The following EPHA8 variants were observed in gnomAD, a reference collection of about 807,000 sequenced individuals.
The protein encoded by EPHA8 is EPH receptor A8.
EPHA8 carries 58 observed loss-of-function variants against 103.6 expected under a neutral mutation model. That is an observed-to-expected ratio of 0.56 (90% CI 0.45 to 0.70). The LOEUF (loss-of-function observed/expected upper bound fraction) is 0.70. Among genes scored for constraint, EPHA8 ranks in the 30% least tolerant of loss-of-function variants. The probability of loss-of-function intolerance (pLI) is 0.00; values close to 1 mark genes in which losing one functional copy is unlikely to be tolerated. For synonymous variants in EPHA8, 559 were observed against 572.5 expected (o/e 0.98, Z 0.34); for missense variants, 1,304 against 1,395.2 (o/e 0.93, Z 1.04).
chr1:22,589,432 G>A lies in EPHA8; in HGVS notation c.1315+226G>A. On this transcript the variant is annotated intron_variant, in intron 5 of 16. Coordinates refer to ENST00000166244, the MANE Select transcript of EPHA8 (RefSeq NM_020526.5). The surrounding 1 kb of genome is among the most constrained non-coding windows in gnomAD (Gnocchi z 4.3). ...AGAAATCCCAAAAGCTCAGAGGCAG[G>A]CTAGTGTGGCCGTCGAAAGCCTAGG... 2.0e-6 allele frequency: 3 copies of A among 1,495,224 alleles called. No individual in the cohort carries two copies. Among genetic ancestry groups the A allele is most frequent in the Non-Finnish European group, 2.7e-6 (3 of 1,130,316 alleles). The allele number at this position is 1,495,224 out of a possible 1,614,324, so 92.6% of individuals were successfully genotyped here.
intron 3 of EPHA8, among the ~76,000 whole-genome samples, chr1:22,585,506 G>A (rs1341610916): frequency 6.6e-6 from 1 of 152,146 alleles, no homozygotes; most frequent in Non-Finnish European, 1.5e-5. Context: ...CATCACCTTA[G>A]CCCCCTTGTT....
chr1:22,564,128 CAG>C (rs961229294), intron 1 of EPHA8, among the ~76,000 whole-genome samples: 5 of 121,172 alleles, frequency 4.1e-5, no homozygotes, highest in African/African-American at 6.6e-5. Flanking sequence ...GGACAGAGGA[CAG>C]GGGGGTAGGC....
Position 22,589,539 on chromosome 1 carries a change from A to G in EPHA8, c.1315+333A>G. On this transcript the variant is annotated intron_variant, in intron 5 of 16. Coordinates refer to ENST00000166244, the MANE Select transcript of EPHA8 (RefSeq NM_020526.5). The surrounding 1 kb of genome is among the most constrained non-coding windows in gnomAD (Gnocchi z 4.3). ...AGTACCTGCCTGAGGTCCTCTCAGG[A>G]GGCTTAAATGAGAGGAATGAAATTG... 1 of 1,368,696 alleles carries G rather than the reference A, an allele frequency of 7.3e-7. No individual in the cohort carries two copies. Among genetic ancestry groups the G allele is most frequent in the Non-Finnish European group, 9.4e-7 (1 of 1,061,888 alleles). The allele number at this position is 1,368,696 out of a possible 1,614,324, so 84.8% of individuals were successfully genotyped here.
At chr1:22,594,460 C>T (rs1171616101) in intron 7 of EPHA8, among the ~76,000 whole-genome samples, 3 of 152,230 alleles carry the variant, frequency 2.0e-5, no homozygotes, top group Non-Finnish European at 2.9e-5. Flanking sequence ...CACCCCAGCC[C>T]TTCAGAAACT....
At chr1:22,600,859 C>T (rs1235739452) in intron 14 of EPHA8, 39 bp from the exon 15 acceptor site, 1 of 1,588,294 alleles carries the variant, frequency 6.3e-7, no homozygotes, top group Non-Finnish European at 8.6e-7. Context: ...CCTCAGGGTG[C>T]AGGGAGGGAC....
chr1:22,580,131 T>C (rs1317598850), intron 3 of EPHA8, among the ~76,000 whole-genome samples: 6 of 33,878 alleles, frequency 1.8e-4, no homozygotes, highest in Admixed American at 2.5e-4. Flanking sequence ...CTTTCTCTTT[T>C]TTTTTTTTTT....
rs1476400139 is a variant in EPHA8, at chr1:22,595,212, C to T, written c.1604-18C>T. On this transcript the variant is annotated intron_variant, in intron 7 of 16. Transcript: ENST00000166244. ...AGGGCTGAGAGCCTGGTCCCCCAAC[C>T]CTGGCTTTCCCCTGCAGGGCCCCGC... The T allele has an allele frequency of 1.3e-6, 2 of 1,599,252 alleles. No individual in the cohort carries two copies. Among genetic ancestry groups the T allele is most frequent in the Non-Finnish European group, 1.7e-6 (2 of 1,169,598 alleles).
At position 22,582,650 on chromosome 1, in the gene EPHA8, C is replaced by A. The variant is rs1481062108; in HGVS notation, c.824-3830C>A. Among the ~76,000 whole-genome samples the A allele has an allele frequency of 2.0e-5, 3 of 152,156 alleles. No homozygotes were observed. The South Asian group carries it at 6.2e-4, about 32-fold the overall frequency. On this transcript the variant is annotated intron_variant, in intron 3 of 16. Coordinates refer to ENST00000166244, the MANE Select transcript of EPHA8 (RefSeq NM_020526.5). ...CACAGCGAGGGGTGGTTGATAGAAT[C>A]TCACATCTCCCAACTCCTTGCCCAG...
rs140915108 is a variant in EPHA8 at position 22,601,357 on chromosome 1, C to T, written c.2787C>T (p.Gly929=). The change falls in exon 16 of 17, where the codon GGC becomes GGT. Residue 929 remains glycine, a synonymous_variant. Transcript: ENST00000166244. ...TTGACCTCCGAGGGGGCAGCGGTGGCGGTGGGGGCCTCACCGTGGGGGACT... is the reference window on the plus strand; with the variant it reads ...TTGACCTCCGAGGGGGCAGCGGTGGTGGTGGGGGCCTCACCGTGGGGGACT... ...SCFDLRGGSG[G]GGGLTVGDWL... 301 of 1,608,498 alleles carry T rather than the reference C, an allele frequency of 1.9e-4. 1 individual carries two copies. In the African/African-American group the frequency reaches 2.2e-3, roughly 12 times the overall value.
At chr1:22,587,597 A>T (rs1641253274) in intron 4 of EPHA8, among the ~76,000 whole-genome samples, 1 of 152,094 alleles carries the variant, frequency 6.6e-6, no homozygotes, top group African/African-American at 2.4e-5. Flanking sequence ...TCATACTCCC[A>T]TTCCAGGCCT....
At chr1:22,572,741 G>A (rs568595929) in intron 2 of EPHA8, among the ~76,000 whole-genome samples, 1 of 152,366 alleles carries the variant, frequency 6.6e-6, no homozygotes, top group South Asian at 2.1e-4. Flanking sequence ...GCTGCATTCT[G>A]ATATGGGAGG....
chr1:22,576,825 C>T lies in EPHA8; in HGVS notation c.768C>T (p.Pro256=), dbSNP rs1383215657. The change falls in exon 3 of 17, where the codon CCC becomes CCT. Residue 256 remains proline (P), a synonymous_variant. Transcript: ENST00000166244. This position sits in a 1 kb window ranked among gnomAD's most constrained non-coding sequence, Gnocchi z 4.8. ...GCGCGGAGGGCGAGTGGCTCGTGCC[C>T]ATCGGCAAATGCGTGTGCAGTGCCG... ...YCSAEGEWLV[P]IGKCVCSAGY... 2.5e-6 allele frequency: 4 copies of T among 1,610,450 alleles called. No individual in the cohort carries two copies. The highest frequency in any genetic ancestry group is 3.4e-6 in the Non-Finnish European group (4 of 1,178,572).
intron 3 of EPHA8, among the ~76,000 whole-genome samples, chr1:22,578,669 A>G (rs1424392155): frequency 1.5e-5 from 2 of 137,240 alleles, no homozygotes; most frequent in Admixed American, 1.5e-4. Context: ...GAGTGTATGT[A>G]TGCATTTGTG....
In EPHA8 at chr1:22,591,858, G is replaced by A. The variant is rs1352744595; in HGVS notation, c.1316-1468G>A. ...CTCCCCCGACCACCTCAGCTGAAAC[G>A]TGCCAGTGCCCTTCCGGGCCCTGCA... On this transcript the variant is annotated intron_variant, in intron 5 of 16. Coordinates refer to ENST00000166244, the MANE Select transcript of EPHA8 (RefSeq NM_020526.5). Among the ~76,000 whole-genome samples the A allele has an allele frequency of 2.6e-5, 4 of 152,286 alleles. No homozygotes were observed. The East Asian group carries it at 5.8e-4, about 22-fold the overall frequency.
In EPHA8 at chr1:22,599,007, G is replaced by A. The variant is rs750373572; in HGVS notation, c.2348G>A (p.Arg783Gln). The change falls in exon 13 of 17, where the codon CGG (arginine) becomes CAG (glutamine). Residue 783 changes from arginine (R) to glutamine (Q), a missense_variant. By Grantham distance (43) the Arg-to-Gln change is conservative. Coordinates refer to ENST00000166244, the MANE Select transcript of EPHA8 (RefSeq NM_020526.5). Reference sequence around the variant, plus strand: ...AAGGTGTCTGACTTCGGGCTCTCACGGGTGCTGGAGGACGACCCGGATGCT... The same window carrying A: ...AAGGTGTCTGACTTCGGGCTCTCACAGGTGCTGGAGGACGACCCGGATGCT... ...VCKVSDFGLS[R>Q]VLEDDPDAAY... 25 of 1,610,870 alleles carry A rather than the reference G, an allele frequency of 1.6e-5. No homozygotes were observed. The highest frequency in any genetic ancestry group is 1.1e-4 in the South Asian group (10 of 90,460).
In EPHA8 at chr1:22,597,758, C is replaced by A. The variant is rs763940729; in HGVS notation, c.2013C>A (p.Ala671=). Residue 671 remains alanine, a synonymous_variant, in exon 11 of 17, where the codon GCC becomes GCA. Transcript: ENST00000166244. The surrounding 1 kb of genome is among the most constrained non-coding windows in gnomAD (Gnocchi z 4.6). ...DVPVAIKALK[A]GYTERQRRDF... ...CCGTGGCCATCAAGGCCCTCAAAGCCGGCTACACGGAGAGACAGAGGCGGG... is the reference window on the plus strand; with the variant it reads ...CCGTGGCCATCAAGGCCCTCAAAGCAGGCTACACGGAGAGACAGAGGCGGG... The A allele has an allele frequency of 6.2e-7, 1 of 1,613,194 alleles. No individual in the cohort carries two copies. Among genetic ancestry groups the A allele is most frequent in the Non-Finnish European group, 8.5e-7 (1 of 1,179,992 alleles).
At chr1:22,594,956 G>A (rs1017319581) in intron 7 of EPHA8, among the ~76,000 whole-genome samples, 3 of 152,188 alleles carry the variant, frequency 2.0e-5, no homozygotes, top group South Asian at 4.1e-4. Flanking sequence ...GAGGACACGC[G>A]ACTCTTCTCC....
rs377167560 is a variant in EPHA8 at position 22,599,056 on chromosome 1, C to A, written c.2388+9C>A. On this transcript the variant is annotated intron_variant, in intron 13 of 16. Coordinates refer to ENST00000166244, the MANE Select transcript of EPHA8 (RefSeq NM_020526.5). Reference sequence around the variant, plus strand: ...CTGCCTACACCACCACGGTGCGTCGCCCACACTCCTTCCGGCTAGACTGGG... The same window carrying A: ...CTGCCTACACCACCACGGTGCGTCGACCACACTCCTTCCGGCTAGACTGGG... 3.1e-6 allele frequency: 5 copies of A among 1,590,162 alleles called. No homozygotes were observed. The South Asian group carries it at 4.6e-5, about 15-fold the overall frequency.
At chr1:22,591,087 A>C (rs937615572) in intron 5 of EPHA8, among the ~76,000 whole-genome samples, 2 of 151,944 alleles carry the variant, frequency 1.3e-5, no homozygotes, top group African/African-American at 4.8e-5. Context: ...GTCCTGAGTG[A>C]GCTTTAAAAA....
Sources: allele counts gnomAD v4.1 joint callset (sites outside exome capture counted in the v4.1 genomes callset), GRCh38; gene constraint gnomAD v4.1.1; non-coding constraint Gnocchi (gnomAD v3.1); transcripts MANE v1.5; gene names NCBI Gene and HGNC (gene_info 2026-07-23, HGNC 2026-07-21).